The following CIAO1 variants were observed in gnomAD, a reference collection of about 807,000 sequenced individuals.
CIAO1 encodes the protein probable cytosolic iron-sulfur protein assembly protein CIAO1.
In CIAO1, 32 loss-of-function variants were observed where a neutral mutation model predicts 43.1. The observed-to-expected ratio is 0.74, with a 90% CI of 0.56 to 1.00. The LOEUF (loss-of-function observed/expected upper bound fraction) is 1.00, where lower values mean the gene tolerates loss of function less well. Among genes scored for constraint, CIAO1 ranks in the 50% least tolerant of loss-of-function variants. CIAO1 has a pLI of 0.00. For synonymous variants in CIAO1, 183 were observed against 171.4 expected, an observed-to-expected ratio of 1.07 and a Z score of -0.53; for missense variants, 415 against 437.4, an observed-to-expected ratio of 0.95 and a Z score of 0.46.
chr2:96,270,516 A>G (rs4907309), intron 6 of CIAO1, among the ~76,000 whole-genome samples: 1 of 150,378 alleles, frequency 6.6e-6, no homozygotes, highest in Non-Finnish European at 1.5e-5. Flanking sequence ...AAAAAAAAAA[A>G]ACTTTATGAT....
In CIAO1 at chr2:96,267,819, C is replaced by G; in HGVS notation, c.401-17C>G. ...CTGACAGGGTCGGCTCTTGGGTCCC[C>G]TTTTTCTCTCCCACAGTTGATGAAG... On this transcript the variant is annotated splice_polypyrimidine_tract_variant and intron_variant, in intron 3 of 6. Coordinates refer to ENST00000488633, the MANE Select transcript of CIAO1 (RefSeq NM_004804.3). 4 of 1,613,840 alleles carry G rather than the reference C, an allele frequency of 2.5e-6. No individual in the cohort carries two copies. The highest frequency in any genetic ancestry group is 3.4e-6 in the Non-Finnish European group (4 of 1,179,736).
rs72937663 is a variant in CIAO1, at chr2:96,269,306, A to G, written c.730A>G (p.Ile244Val). The G allele has an allele frequency of 3.9e-4, 634 of 1,614,122 alleles. 4 individuals are homozygous for G. In the African/African-American group the frequency reaches 7.7e-3, roughly 20 times the overall value. The change falls in exon 6 of 7, where the codon ATC becomes GTC. Residue 244 changes from isoleucine (I) to valine (V), a missense_variant. Coordinates refer to ENST00000488633, the MANE Select transcript of CIAO1 (RefSeq NM_004804.3). ...CSGSDPSWKC[I>V]CTLSGFHSRT... ...CGGCTCTGACCCCAGTTGGAAATGT[A>G]TCTGTACTTTGTCCGGCTTCCACTC...
chr2:96,268,407 T>C, intron 4 of CIAO1, 50 bp from the exon 5 acceptor site: 1 of 1,529,458 alleles, frequency 6.5e-7, no homozygotes, highest in Non-Finnish European at 9.1e-7. Context: ...TGTCCTTTGC[T>C]TCCTGGGCCA....
At position 96,273,662 on chromosome 2, in the gene CIAO1, C is replaced by CAAAAAAAAAAAAAAAAAAA. The variant is rs57198918; in HGVS notation, c.*2317_*2335dup. ...TGGGTGACAGAGCGAGACTCCATTT[C>CAAAAAAAAAAAAAAAAAAA]AAAAAAAAAAAAAAAAAAAAAAAAT... On this transcript the variant is annotated 3_prime_UTR_variant, in exon 7 of 7. Transcript: ENST00000488633. Among the ~76,000 whole-genome samples the CAAAAAAAAAAAAAAAAAAA allele has an allele frequency of 1.8e-5, 1 of 55,996 alleles. No individual in the cohort carries two copies. Among genetic ancestry groups the CAAAAAAAAAAAAAAAAAAA allele is most frequent in the African/African-American group, 6.0e-5 (1 of 16,758 alleles). 36.7% of individuals were successfully genotyped at this position (55,996 alleles called of 152,430 possible). A position where few individuals can be genotyped will look rare whatever the true frequency, so the allele number is the denominator to read the frequency against.
chr2:96,267,983 C>A (rs931141471), intron 4 of CIAO1, 59 bp downstream of exon 4: 44 of 1,360,306 alleles, frequency 3.2e-5, no homozygotes, highest in Non-Finnish European at 4.5e-5. Context: ...TTGTGCCCAG[C>A]CTTCCTCTGC....
Position 96,266,301 on chromosome 2 carries a change from T to G in CIAO1, c.-50T>G. 1 of 1,336,062 alleles carries G rather than the reference T, an allele frequency of 7.5e-7. No individual in the cohort carries two copies. Among genetic ancestry groups the G allele is most frequent in the Non-Finnish European group, 9.7e-7 (1 of 1,032,884 alleles). 82.8% of individuals were successfully genotyped at this position (1,336,062 alleles called of 1,614,324 possible). A position where few individuals can be genotyped will look rare whatever the true frequency, so the allele number is the denominator to read the frequency against. On this transcript the variant is annotated 5_prime_UTR_variant, in exon 1 of 7. Coordinates refer to ENST00000488633, the MANE Select transcript of CIAO1 (RefSeq NM_004804.3). ...CAGACGCGCGCGGTGAGACCCGCTG[T>G]CTGCTCAGCGGACTCTGCCCGCCCC...
rs74604002 is a variant in CIAO1 at position 96,271,414 on chromosome 2, C to T, written c.*63C>T. On this transcript the variant is annotated 3_prime_UTR_variant, in exon 7 of 7. Transcript: ENST00000488633. ...AAACGTCATATAAGACTTTACCAGC[C>T]CCTGAGAGGACCAGGAGGAGCATCC... is the stretch of plus-strand genomic sequence containing the variant. 1.0e-3 allele frequency: 1,622 copies of T among 1,568,338 alleles called. 36 individuals carry two copies. In the East Asian group the frequency reaches 0.032, roughly 31 times the overall value.
chr2:96,268,454 C>T lies in CIAO1; in HGVS notation c.490-3C>T, dbSNP rs1684479463. The T allele has an allele frequency of 1.2e-6, 2 of 1,614,032 alleles. No homozygotes were observed. The highest frequency in any genetic ancestry group is 1.7e-6 in the Non-Finnish European group (2 of 1,179,900). On this transcript the variant is annotated splice_polypyrimidine_tract_variant and splice_region_variant and intron_variant, in intron 4 of 6. Coordinates refer to ENST00000488633, the MANE Select transcript of CIAO1 (RefSeq NM_004804.3). The stretch of plus-strand genomic sequence containing the variant: ...GTTGGGTTTCCTTTCACTCTTCCCC[C>T]AGCTCTTAGCTTCTGCCAGCTATGA...
chr2:96,273,790 C>G lies in CIAO1; in HGVS notation c.*2439C>G, dbSNP rs543165013. On this transcript the variant is annotated 3_prime_UTR_variant, in exon 7 of 7. Coordinates refer to ENST00000488633, the MANE Select transcript of CIAO1 (RefSeq NM_004804.3). Reference sequence around the variant, plus strand: ...GTATCTGTGTGAAGTCAACTTACTTCAACAAAAAAGTTTGGATGTAGAAGC... The same window carrying G: ...GTATCTGTGTGAAGTCAACTTACTTGAACAAAAAAGTTTGGATGTAGAAGC... 2.0e-5 allele frequency among the ~76,000 whole-genome samples: 3 copies of G among 151,566 alleles called. No homozygotes were observed. In the South Asian group the frequency reaches 6.2e-4, roughly 31 times the overall value.
intron 1 of CIAO1, 78 bp from the exon 2 acceptor site, chr2:96,267,243 C>T (rs938178252): frequency 6.9e-7 from 1 of 1,442,320 alleles, no homozygotes; most frequent in Non-Finnish European, 9.3e-7. Context: ...TAGCTTGATT[C>T]CAGTGCTAGC....
chr2:96,271,487 G>T lies in CIAO1; in HGVS notation c.*136G>T. On this transcript the variant is annotated 3_prime_UTR_variant, in exon 7 of 7. Coordinates refer to ENST00000488633, the MANE Select transcript of CIAO1 (RefSeq NM_004804.3). ...CACTTCTCTTCAGACTTGGGTAGAA[G>T]TGCAGAGCCACAGAATTGCTTTCCT... 1 of 1,074,042 alleles carries T rather than the reference G, an allele frequency of 9.3e-7. No homozygotes were observed. The highest frequency in any genetic ancestry group is 2.5e-5 in the East Asian group (1 of 39,380). The allele number at this position is 1,074,042 out of a possible 1,614,324, so 66.5% of individuals were successfully genotyped here.
At chr2:96,270,922 G>T (rs1000000788) in intron 6 of CIAO1, among the ~76,000 whole-genome samples, 189 bp from the exon 7 acceptor site, 3 of 152,134 alleles carry the variant, frequency 2.0e-5, no homozygotes, top group Admixed American at 2.0e-4. Flanking sequence ...GTAGGGGAAA[G>T]AACTAGATTG....
rs961578084 is a variant in CIAO1 at position 96,266,269 on chromosome 2, C to T, written c.-82C>T. 19 of 1,275,068 alleles carry T rather than the reference C, an allele frequency of 1.5e-5. No individual in the cohort carries two copies. The highest frequency in any genetic ancestry group is 4.6e-5 in the South Asian group (2 of 43,664). 79.0% of individuals were successfully genotyped at this position (1,275,068 alleles called of 1,614,324 possible). A position where few individuals can be genotyped will look rare whatever the true frequency, so the allele number is the denominator to read the frequency against. On this transcript the variant is annotated 5_prime_UTR_variant, in exon 1 of 7. Coordinates refer to ENST00000488633, the MANE Select transcript of CIAO1 (RefSeq NM_004804.3). ...GTCGGCCGCGGAAGCCTGGAGTGGGCGGTACGCAGACGCGCGCGGTGAGAC... is the reference window on the plus strand; with the variant it reads ...GTCGGCCGCGGAAGCCTGGAGTGGGTGGTACGCAGACGCGCGCGGTGAGAC...
Position 96,271,299 on chromosome 2 carries a change from G to T in CIAO1, c.968G>T (p.Ser323Ile). The T allele has an allele frequency of 6.2e-7, 1 of 1,614,248 alleles. No homozygotes were observed. ...GAGCCAGGGCTACTGGCCTCCTGCA[G>T]TGATGATGGGGAGGTGGCCTTCTGG... is the stretch of plus-strand genomic sequence containing the variant. ...PKEPGLLASC[S>I]DDGEVAFWKY... The change falls in exon 7 of 7, where the codon AGT (serine) becomes ATT (isoleucine). Residue 323 changes from serine to isoleucine, a missense_variant. Coordinates refer to ENST00000488633, the MANE Select transcript of CIAO1 (RefSeq NM_004804.3).
rs1203768402 is a variant in CIAO1 at position 96,266,567 on chromosome 2, G to A, written c.139+78G>A. On this transcript the variant is annotated intron_variant, in intron 1 of 6. Transcript: ENST00000488633. ...GTAGTGCAGGCGCTCAGCCTGCAGG[G>A]GAGGCTGAACCTGTTCCTGGCGGAG... is the stretch of plus-strand genomic sequence containing the variant. 3.1e-6 allele frequency: 4 copies of A among 1,296,842 alleles called. No homozygotes were observed. In the African/African-American group the frequency reaches 6.1e-5, roughly 20 times the overall value. The allele number at this position is 1,296,842 out of a possible 1,614,324, so 80.3% of individuals were successfully genotyped here. A position where few individuals can be genotyped will look rare whatever the true frequency, so the allele number is the denominator to read the frequency against.
intron 1 of CIAO1, among the ~76,000 whole-genome samples, chr2:96,266,715 A>T (rs1684438005): frequency 6.6e-6 from 1 of 152,264 alleles, no homozygotes; most frequent in African/African-American, 2.4e-5. Context: ...CTGCAGAGGC[A>T]GGAAAATGGG....
In CIAO1 at chr2:96,271,605, T is replaced by TA. The variant is rs144205476; in HGVS notation, c.*257dup. 813 of 463,648 alleles carry TA rather than the reference T, an allele frequency of 1.8e-3. 20 individuals carry two copies. In the East Asian group the frequency reaches 0.029, roughly 16 times the overall value. The allele number at this position is 463,648 out of a possible 1,614,324, so 28.7% of individuals were successfully genotyped here. A position where few individuals can be genotyped will look rare whatever the true frequency, so the allele number is the denominator to read the frequency against. Reference sequence around the variant, plus strand: ...TTTTTCTTGCATTAGGGCACAGTGTTAAATTTTTTGGAGGTAAATATACTA... The same window carrying TA: ...TTTTTCTTGCATTAGGGCACAGTGTTAAAATTTTTTGGAGGTAAATATACTA... On this transcript the variant is annotated 3_prime_UTR_variant, in exon 7 of 7. Coordinates refer to ENST00000488633, the MANE Select transcript of CIAO1 (RefSeq NM_004804.3).
Position 96,273,536 on chromosome 2 carries a change from C to T in CIAO1, c.*2185C>T, listed in dbSNP as rs896200942. 1.3e-5 allele frequency among the ~76,000 whole-genome samples: 2 copies of T among 151,700 alleles called. No homozygotes were observed. The highest frequency in any genetic ancestry group is 2.9e-5 in the Non-Finnish European group (2 of 67,936). On this transcript the variant is annotated 3_prime_UTR_variant, in exon 7 of 7. Coordinates refer to ENST00000488633, the MANE Select transcript of CIAO1 (RefSeq NM_004804.3). ...AATTAGCCGGGCGTGGTGGCAGATC[C>T]CTTGTAGTCCCAGCTACTCGGGAGG...
Position 96,271,652 on chromosome 2 carries a change from A to C in CIAO1, c.*301A>C, listed in dbSNP as rs1428224393. Reference sequence around the variant, plus strand: ...ACTATTTATAATCACTATATATAGTAGGAGGGGGTATGTGTCTCAGGCTTT... The same window carrying C: ...ACTATTTATAATCACTATATATAGTCGGAGGGGGTATGTGTCTCAGGCTTT... On this transcript the variant is annotated 3_prime_UTR_variant, in exon 7 of 7. Coordinates refer to ENST00000488633, the MANE Select transcript of CIAO1 (RefSeq NM_004804.3). The C allele has an allele frequency of 8.0e-6, 2 of 250,168 alleles. No homozygotes were observed. The highest frequency in any genetic ancestry group is 1.6e-5 in the Non-Finnish European group (2 of 128,800). The allele number at this position is 250,168 out of a possible 1,614,324, so 15.5% of individuals were successfully genotyped here. A position where few individuals can be genotyped will look rare whatever the true frequency, so the allele number is the denominator to read the frequency against.
Sources: gnomAD v4.1 joint callset for allele counts (sites outside exome capture counted in the v4.1 genomes callset) on GRCh38, gnomAD v4.1.1 for gene constraint, MANE v1.5 for transcripts, NCBI Gene and HGNC (gene_info 2026-07-23, HGNC 2026-07-21) for gene names.